BACE2: variants seen among roughly 807,000 people sequenced by gnomAD.
The protein encoded by BACE2 is beta-secretase 2.
Under a neutral mutation model 46.2 loss-of-function variants are expected in BACE2, and 17 were observed. That is an observed-to-expected ratio of 0.37 (90% CI 0.25 to 0.55). The LOEUF (loss-of-function observed/expected upper bound fraction) is 0.55, where lower values mean the gene tolerates loss of function less well. BACE2 is among the 20% of genes least tolerant of loss of function. BACE2 has a pLI of 0.82. For synonymous variants in BACE2, 277 were observed against 295.9 expected (o/e 0.94, Z 0.66); for missense variants, 595 against 698.1 (o/e 0.85, Z 1.66).
At chr21:41,227,556 C>T (rs1265753187) in intron 2 of BACE2, among the ~76,000 whole-genome samples, 1 of 152,196 alleles carries the variant, frequency 6.6e-6, no homozygotes, top group Non-Finnish European at 1.5e-5. Flanking sequence ...CTGGGCTCCA[C>T]TTTGGTGCCA....
intron 1 of BACE2, chr21:41,175,753 A>C (rs941005410): frequency 1.3e-5 from 2 of 152,266 alleles, no homozygotes; most frequent in African/African-American, 2.4e-5. Flanking sequence ...CAGCAATGCC[A>C]GGGTTAATAT....
chr21:41,273,947 C>A (rs750154459), intron 8 of BACE2, among the ~76,000 whole-genome samples: 2 of 152,236 alleles, frequency 1.3e-5, no homozygotes, highest in African/African-American at 2.4e-5. Flanking sequence ...CTTCCCGCAA[C>A]AGAAACCTAA....
intron 1 of BACE2, among the ~76,000 whole-genome samples, chr21:41,220,622 C>A (rs1986613158): frequency 6.6e-6 from 1 of 152,000 alleles, no homozygotes; most frequent in Admixed American, 6.6e-5. Context: ...TTAAATCTAA[C>A]CCAAACTGTG....
chr21:41,203,836 G>A (rs1003932863), intron 1 of BACE2, among the ~76,000 whole-genome samples: 1 of 152,220 alleles, frequency 6.6e-6, no homozygotes, highest in Non-Finnish European at 1.5e-5. Context: ...GGGTCAGGGA[G>A]GAAAGGAGTT....
intron 1 of BACE2, among the ~76,000 whole-genome samples, chr21:41,169,402 T>G (rs772683138): frequency 4.5e-4 from 67 of 149,774 alleles, no homozygotes; most frequent in Non-Finnish European, 9.0e-4. Flanking sequence ...GTTCATTTAC[T>G]AACACTTTTT....
chr21:41,242,978 G>A (rs555381549), intron 4 of BACE2, among the ~76,000 whole-genome samples: 60 of 151,892 alleles, frequency 4.0e-4, no homozygotes, highest in African/African-American at 1.3e-3. Context: ...GCAGTGACGC[G>A]ATCTCAGCTC....
intron 1 of BACE2, among the ~76,000 whole-genome samples, chr21:41,192,037 A>G (rs527540523): frequency 1.3e-5 from 2 of 152,272 alleles, no homozygotes; most frequent in African/African-American, 4.8e-5. Context: ...ACAGCTGGCC[A>G]TTTCTCCTTC....
intron 1 of BACE2, among the ~76,000 whole-genome samples, chr21:41,172,668 G>A (rs1332880232): frequency 2.0e-5 from 3 of 152,214 alleles, no homozygotes; most frequent in Non-Finnish European, 2.9e-5. Context: ...GATGTGGTTT[G>A]ACAGGAAGCA....
Position 41,168,545 on chromosome 21 carries a change from G to A in BACE2, c.282G>A (p.Leu94=), listed in dbSNP as rs780721891. The change falls in exon 1 of 9, where the codon CTG becomes CTA. Residue 94 remains leucine, a synonymous_variant. Coordinates refer to ENST00000330333, the MANE Select transcript of BACE2 (RefSeq NM_012105.5). ...LQGDSGRGYY[L]EMLIGTPPQK... is the part of the protein sequence containing the mutation. ...GGGACTCTGGCCGCGGCTACTACCT[G>A]GAGATGCTGATCGGGACCCCCCCGC... The A allele has an allele frequency of 9.0e-6, 12 of 1,340,154 alleles. No individual in the cohort carries two copies. Among genetic ancestry groups the A allele is most frequent in the Non-Finnish European group, 1.2e-5 (12 of 1,038,052 alleles). 83.0% of individuals were successfully genotyped at this position (1,340,154 alleles called of 1,614,324 possible). A position where few individuals can be genotyped will look rare whatever the true frequency, so the allele number is the denominator to read the frequency against.
intron 1 of BACE2, among the ~76,000 whole-genome samples, chr21:41,209,551 A>G (rs1159971934): frequency 6.6e-6 from 1 of 152,206 alleles, no homozygotes; most frequent in Non-Finnish European, 1.5e-5. Flanking sequence ...TAACGAGAAA[A>G]AGCCGCACTA....
rs199826508 is a variant in BACE2 at position 41,257,253 on chromosome 21, G to A, written c.1230G>A (p.Thr410=). 1.6e-5 allele frequency: 26 copies of A among 1,614,082 alleles called. No homozygotes were observed. The highest frequency in any genetic ancestry group is 8.0e-5 in the African/African-American group (6 of 74,918). Residue 410 remains threonine, a synonymous_variant, in exon 8 of 9, where the codon ACG becomes ACA. Transcript: ENST00000330333. ...CAAATGCGCTGGTGATCGGTGCCAC[G>A]GTGATGGAGGGCTTCTACGTCATCT... ...PSTNALVIGA[T]VMEGFYVIFD...
intron 1 of BACE2, among the ~76,000 whole-genome samples, chr21:41,206,417 A>C (rs969122311): frequency 1.3e-5 from 2 of 152,236 alleles, no homozygotes. Context: ...GGATACAAAC[A>C]ATCAGGTCAT....
At chr21:41,209,563 C>A (rs1358777385) in intron 1 of BACE2, among the ~76,000 whole-genome samples, 1 of 152,172 alleles carries the variant, frequency 6.6e-6, no homozygotes, top group African/African-American at 2.4e-5. Flanking sequence ...GCCGCACTAC[C>A]CCTCTTTAAG....
At chr21:41,260,794 G>T (rs1004526884) in intron 8 of BACE2, among the ~76,000 whole-genome samples, 1 of 152,186 alleles carries the variant, frequency 6.6e-6, no homozygotes, top group Admixed American at 6.5e-5. Context: ...AGGGGACGAC[G>T]CAGGTAAATG....
chr21:41,275,837 A>G lies in BACE2; in HGVS notation c.*213A>G, dbSNP rs1333939400. 6.1e-6 allele frequency: 4 copies of G among 659,810 alleles called. No homozygotes were observed. Among genetic ancestry groups the G allele is most frequent in the Non-Finnish European group, 9.9e-6 (4 of 403,638 alleles). The allele number at this position is 659,810 out of a possible 1,614,324, so 40.9% of individuals were successfully genotyped here. ...CTACTTCCAAGAAAAATAATTAAAA[A>G]AAAAACTTCATTCTAAACCAAAACA... is the stretch of plus-strand genomic sequence containing the variant. On this transcript the variant is annotated 3_prime_UTR_variant, in exon 9 of 9. Transcript: ENST00000330333.
At chr21:41,178,880 A>T in intron 1 of BACE2, 1 of 271,948 alleles carries the variant, frequency 3.7e-6, no homozygotes, top group Non-Finnish European at 7.1e-6. Flanking sequence ...ACAGACTTTT[A>T]GAGGAGTGCT....
At chr21:41,188,967 T>C (rs778679253) in intron 1 of BACE2, among the ~76,000 whole-genome samples, 6 of 152,358 alleles carry the variant, frequency 3.9e-5, no homozygotes, top group East Asian at 1.9e-4. Context: ...AGAAGACTGA[T>C]TGGAGGCCAG....
chr21:41,187,755 C>G (rs927886993), intron 1 of BACE2, among the ~76,000 whole-genome samples: 1 of 152,076 alleles, frequency 6.6e-6, no homozygotes, highest in East Asian at 1.9e-4. Context: ...ACCACAAAAC[C>G]GCCTTTGAGA....
chr21:41,242,300 C>T (rs1460747792), intron 4 of BACE2, among the ~76,000 whole-genome samples: 1 of 151,864 alleles, frequency 6.6e-6, no homozygotes. Context: ...AAGGAGAGTT[C>T]ATAAATTTGG....
Sources: gnomAD v4.1 joint callset for allele counts (sites outside exome capture counted in the v4.1 genomes callset) on GRCh38, gnomAD v4.1.1 for gene constraint, MANE v1.5 for transcripts, NCBI Gene and HGNC (gene_info 2026-07-23, HGNC 2026-07-21) for gene names.